Variants in UNC119B observed in about 807,000 individuals in gnomAD.
UNC119B encodes the protein unc-119 lipid binding chaperone B, also known as protein unc-119 homolog B.
In UNC119B, 16 loss-of-function variants were observed where a neutral mutation model predicts 23.4. The observed-to-expected ratio is 0.68, with a 90% CI of 0.46 to 1.04. The LOEUF (loss-of-function observed/expected upper bound fraction) is 1.04. Among genes scored for constraint, UNC119B ranks in the 50% least tolerant of loss-of-function variants. The probability of loss-of-function intolerance (pLI) is 0.00; values close to 1 mark genes in which losing one functional copy is unlikely to be tolerated. For synonymous variants in UNC119B, 144 were observed against 145.4 expected, an observed-to-expected ratio of 0.99 and a Z score of 0.07; for missense variants, 350 against 361.3, an observed-to-expected ratio of 0.97 and a Z score of 0.25.
At chr12:120,711,598 A>G (rs1312271971) in intron 1 of UNC119B, 4 of 152,186 alleles carry the variant, frequency 2.6e-5, no homozygotes, top group Non-Finnish European at 5.9e-5. Flanking sequence ...AGGAGTGTGC[A>G]CTCACCTAGT....
At chr12:120,717,119 A>G in intron 4 of UNC119B, 77 bp downstream of exon 4, 1 of 1,430,334 alleles carries the variant, frequency 7.0e-7, no homozygotes, top group Non-Finnish European at 9.4e-7. Flanking sequence ...CATCTGGTCC[A>G]GCGCCCTGGC....
intron 1 of UNC119B, 65 bp from the exon 2 acceptor site, chr12:120,713,209 G>A: frequency 7.5e-7 from 1 of 1,336,262 alleles, no homozygotes; most frequent in Non-Finnish European, 1.0e-6. Flanking sequence ...CAAAACTTGA[G>A]AATTAAATAA....
intron 4 of UNC119B, among the ~76,000 whole-genome samples, chr12:120,717,265 G>A (rs1223588077): frequency 1.3e-5 from 2 of 152,042 alleles, no homozygotes; most frequent in African/African-American, 4.8e-5. Context: ...GTTTGTTTTT[G>A]TTTTTGTTTT....
At chr12:120,718,069 C>T (rs534682992) in intron 4 of UNC119B, among the ~76,000 whole-genome samples, 10 of 152,066 alleles carry the variant, frequency 6.6e-5, no homozygotes, top group Admixed American at 1.3e-4. Flanking sequence ...GGGGTTTCAC[C>T]GTGTTAGCCA....
rs1882642961 is a variant in UNC119B at position 120,710,662 on chromosome 12, T to C, written c.188T>C (p.Leu63Pro). The change falls in exon 1 of 5, where the codon CTG (leucine) becomes CCG (proline). Residue 63 changes from leucine to proline, a missense_variant. Coordinates refer to ENST00000344651, the MANE Select transcript of UNC119B (RefSeq NM_001080533.3). The stretch of plus-strand genomic sequence containing the variant: ...GCAGCGGTCACGGAGCAGGAGCTGC[T>C]GGCGCTGGACACCATCCGGCCCGAG... ...VGAAVTEQEL[L>P]ALDTIRPEHV... The C allele has an allele frequency of 8.3e-6, 12 of 1,452,292 alleles. No individual in the cohort carries two copies. The highest frequency in any genetic ancestry group is 1.1e-5 in the Non-Finnish European group (12 of 1,107,570). The allele number at this position is 1,452,292 out of a possible 1,614,324, so 90.0% of individuals were successfully genotyped here. A position where few individuals can be genotyped will look rare whatever the true frequency, so the allele number is the denominator to read the frequency against.
At position 120,722,654 on chromosome 12, in the gene UNC119B, G is replaced by GC. The variant is rs1310795391; in HGVS notation, c.*2626dup. ...AGGCCCACCTGGTGCCAGAGGGCCTGCCCCTCCTGCTTCTGTTCCTTTGCC... is the reference window on the plus strand; with the variant it reads ...AGGCCCACCTGGTGCCAGAGGGCCTGCCCCCTCCTGCTTCTGTTCCTTTGCC... On this transcript the variant is annotated 3_prime_UTR_variant, in exon 5 of 5. Coordinates refer to ENST00000344651, the MANE Select transcript of UNC119B (RefSeq NM_001080533.3). 6.6e-6 allele frequency: 1 copy of GC among 152,246 alleles called. No individual in the cohort carries two copies. Among genetic ancestry groups the GC allele is most frequent in the Non-Finnish European group, 1.5e-5 (1 of 68,044 alleles). 9.4% of individuals were successfully genotyped at this position (152,246 alleles called of 1,614,324 possible).
chr12:120,721,813 G>C lies in UNC119B; in HGVS notation c.*1781G>C, dbSNP rs1882910102. Reference sequence around the variant, plus strand: ...TGTAAATCCAGGTGCCTTACGTGTGGCTCTGTCCCTTATGCTGCAGGGGAA... The same window carrying C: ...TGTAAATCCAGGTGCCTTACGTGTGCCTCTGTCCCTTATGCTGCAGGGGAA... On this transcript the variant is annotated 3_prime_UTR_variant, in exon 5 of 5. Transcript: ENST00000344651. 6.5e-6 allele frequency: 1 copy of C among 152,696 alleles called. No homozygotes were observed. The highest frequency in any genetic ancestry group is 1.5e-5 in the Non-Finnish European group (1 of 68,082). 9.5% of individuals were successfully genotyped at this position (152,696 alleles called of 1,614,324 possible). A position where few individuals can be genotyped will look rare whatever the true frequency, so the allele number is the denominator to read the frequency against.
In UNC119B at chr12:120,723,606, CAT is replaced by C. The variant is rs1328345109; in HGVS notation, c.*3575_*3576del. ...ATTTGTATAAAATGTTATTTTGCCA[CAT>C]GAGACAGTAATAAAAGAAAGATTTT... On this transcript the variant is annotated 3_prime_UTR_variant, in exon 5 of 5. Transcript: ENST00000344651. 6 of 152,222 alleles carry C rather than the reference CAT, an allele frequency of 3.9e-5. No individual in the cohort carries two copies. Among genetic ancestry groups the C allele is most frequent in the East Asian group, 3.9e-4 (2 of 5,182 alleles). The allele number at this position is 152,222 out of a possible 1,614,324, so 9.4% of individuals were successfully genotyped here. A position where few individuals can be genotyped will look rare whatever the true frequency, so the allele number is the denominator to read the frequency against.
rs1166145189 is a variant in UNC119B at position 120,710,823 on chromosome 12, C to G, written c.244+105C>G. 8 of 1,135,028 alleles carry G rather than the reference C, an allele frequency of 7.0e-6. No homozygotes were observed. In the Admixed American group the frequency reaches 1.3e-4, roughly 19 times the overall value. The allele number at this position is 1,135,028 out of a possible 1,614,324, so 70.3% of individuals were successfully genotyped here. A position where few individuals can be genotyped will look rare whatever the true frequency, so the allele number is the denominator to read the frequency against. ...CAGCGCGGGGGTCCCCGCCAGACCC[C>G]CTCGGCCGGCCGGGCCGCGCTTCCC... On this transcript the variant is annotated intron_variant, in intron 1 of 4. Coordinates refer to ENST00000344651, the MANE Select transcript of UNC119B (RefSeq NM_001080533.3).
chr12:120,713,529 C>A, intron 2 of UNC119B, 142 bp downstream of exon 2: 1 of 636,172 alleles, frequency 1.6e-6, no homozygotes, highest in Non-Finnish European at 2.8e-6. Flanking sequence ...CCTGGTCTGC[C>A]AGGCATGGTG....
At chr12:120,714,285 TG>T (rs763431077) in intron 2 of UNC119B, among the ~76,000 whole-genome samples, 2 of 152,188 alleles carry the variant, frequency 1.3e-5, no homozygotes, top group Non-Finnish European at 2.9e-5. Context: ...CTCAAGTTCA[TG>T]GGTAATTTTG....
Position 120,717,023 on chromosome 12 carries a change from C to T in UNC119B, c.624C>T (p.Pro208=), listed in dbSNP as rs755550815. Residue 208 remains proline (P), a synonymous_variant, in exon 4 of 5, where the codon CCC becomes CCT. Coordinates refer to ENST00000344651, the MANE Select transcript of UNC119B (RefSeq NM_001080533.3). Reference sequence around the variant, plus strand: ...CTTGTGAACATATCTATGAGTTTCCCCAGCTTTCGGAGGATGTCAGTATGT... The same window carrying T: ...CTTGTGAACATATCTATGAGTTTCCTCAGCTTTCGGAGGATGTCAGTATGT... The part of the protein sequence containing the change: ...RNTCEHIYEF[P]QLSEDVIRLM... 1.9e-6 allele frequency: 3 copies of T among 1,598,660 alleles called. No homozygotes were observed. The highest frequency in any genetic ancestry group is 2.7e-5 in the African/African-American group (2 of 74,632).
At chr12:120,711,672 A>G (rs17847) in intron 1 of UNC119B, 91,044 of 152,204 alleles carry the variant, frequency 0.6, 30,077 homozygotes, top group African/African-American at 0.89. Flanking sequence ...GGCAGCAGCA[A>G]CATTCCCTGG....
In UNC119B at chr12:120,722,100, C is replaced by T. The variant is rs867188484; in HGVS notation, c.*2068C>T. On this transcript the variant is annotated 3_prime_UTR_variant, in exon 5 of 5. Transcript: ENST00000344651. ...GTAGAGTGTGTCTTGGAAACATGCC[C>T]CTGGGCACACTGTATCTGCTACATT... is the stretch of plus-strand genomic sequence containing the variant. The T allele has an allele frequency of 1.1e-4, 16 of 151,684 alleles. No homozygotes were observed. Among genetic ancestry groups the T allele is most frequent in the African/African-American group, 3.9e-4 (16 of 41,444 alleles). 9.4% of individuals were successfully genotyped at this position (151,684 alleles called of 1,614,324 possible). A position where few individuals can be genotyped will look rare whatever the true frequency, so the allele number is the denominator to read the frequency against.
At chr12:120,712,401 A>T (rs1017657876) in intron 1 of UNC119B, among the ~76,000 whole-genome samples, 1 of 152,256 alleles carries the variant, frequency 6.6e-6, no homozygotes, top group Non-Finnish European at 1.5e-5. Context: ...TCAAGTATCA[A>T]AATGAGCTGT....
chr12:120,716,983 C>G lies in UNC119B; in HGVS notation c.584C>G (p.Pro195Arg), dbSNP rs775267342. ...GACTTTGATTTTGGCTTCTGCATCC[C>G]CAGCAGTAGGAACACTTGTGAACAT... ...NFDFDFGFCI[P>R]SSRNTCEHIY... is the part of the protein sequence containing the mutation. Residue 195 changes from proline to arginine, a missense_variant, in exon 4 of 5, where the codon CCC (proline) becomes CGC (arginine). Coordinates refer to ENST00000344651, the MANE Select transcript of UNC119B (RefSeq NM_001080533.3). The G allele has an allele frequency of 5.0e-6, 8 of 1,613,346 alleles. No individual in the cohort carries two copies. The highest frequency in any genetic ancestry group is 1.6e-4 in the Middle Eastern group (1 of 6,080).
intron 2 of UNC119B, among the ~76,000 whole-genome samples, 156 bp from the exon 3 acceptor site, chr12:120,716,472 G>C (rs758630948): frequency 1.3e-5 from 2 of 152,222 alleles, no homozygotes; most frequent in African/African-American, 4.8e-5. Flanking sequence ...TATGGCAAGT[G>C]TCCTGCTATA....
intron 2 of UNC119B, among the ~76,000 whole-genome samples, chr12:120,714,771 AGAG>A (rs1882737600): frequency 2.1e-5 from 1 of 47,478 alleles, no homozygotes; most frequent in Non-Finnish European, 4.5e-5. Context: ...ATTAGACTCA[AGAG>A]TTGTCATTTC....
chr12:120,714,185 G>C (rs1383333090), intron 2 of UNC119B, among the ~76,000 whole-genome samples: 1 of 152,156 alleles, frequency 6.6e-6, no homozygotes, highest in Non-Finnish European at 1.5e-5. Flanking sequence ...TTGCTACTTA[G>C]AGCCTGCAAA....
Sources: gnomAD v4.1 joint callset for allele counts (sites outside exome capture counted in the v4.1 genomes callset) on GRCh38, gnomAD v4.1.1 for gene constraint, MANE v1.5 for transcripts, NCBI Gene and HGNC (gene_info 2026-07-23, HGNC 2026-07-21) for gene names.